The following GRHL1 variants were observed in gnomAD, a reference collection of about 807,000 sequenced individuals.
GRHL1 encodes grainyhead-like protein 1 homolog.
A neutral mutation model predicts 75.7 loss-of-function variants in GRHL1; 38 were observed. The ratio of observed to expected loss-of-function variants is 0.50; its 90% confidence interval spans 0.39 to 0.66. GRHL1 has a LOEUF of 0.66. Ranked by LOEUF, GRHL1 falls within the 30% of genes least tolerant of loss-of-function variation. The pLI, the probability that GRHL1 is intolerant of heterozygous loss-of-function variation, is 0.00. For missense variants in GRHL1, 589 were observed against 767.5 expected (o/e 0.77, Z 2.75); for synonymous variants, 266 against 279.4 (o/e 0.95, Z 0.48).
chr2:9,996,893 A>C (rs548061803), intron 14 of GRHL1, among the ~76,000 whole-genome samples: 1 of 152,210 alleles, frequency 6.6e-6, no homozygotes, highest in East Asian at 1.9e-4. Flanking sequence ...GGATCTCAGC[A>C]CGAGGCTGGA....
intron 8 of GRHL1, among the ~76,000 whole-genome samples, chr2:9,977,273 A>G (rs1375131730): frequency 4.0e-5 from 6 of 151,632 alleles, no homozygotes; most frequent in Admixed American, 3.9e-4. Context: ...GTCTCTCATT[A>G]CTAGTATTTA....
intron 8 of GRHL1, among the ~76,000 whole-genome samples, chr2:9,974,560 C>T (rs1401335258): frequency 6.6e-6 from 1 of 152,182 alleles, no homozygotes; most frequent in Admixed American, 6.5e-5. Context: ...CTCAGCTCTA[C>T]GGGCTGGTGC....
intron 8 of GRHL1, among the ~76,000 whole-genome samples, chr2:9,970,308 C>T (rs996368057): frequency 3.3e-5 from 5 of 152,226 alleles, no homozygotes; most frequent in African/African-American, 7.2e-5. Context: ...CTGCCAGACA[C>T]GTGCCAAGCT....
chr2:9,958,491 T>A (rs374787641), intron 2 of GRHL1, among the ~76,000 whole-genome samples: 1 of 98,180 alleles, frequency 1.0e-5, no homozygotes, highest in Non-Finnish European at 2.0e-5. Context: ...AGCGGAGGTA[T>A]TTTTTTTTTA....
Position 9,961,287 on chromosome 2 carries a change from G to A in GRHL1, c.520G>A (p.Val174Met). 1 of 1,614,218 alleles carries A rather than the reference G, an allele frequency of 6.2e-7. No homozygotes were observed. Among genetic ancestry groups the A allele is most frequent in the Non-Finnish European group, 8.5e-7 (1 of 1,180,052 alleles). ...CTTCGCTGTGGGAATCCCCCCAGCA[G>A]TGTATCATCCTGAGCCCACTGAGCG... ...HGFAVGIPPA[V>M]YHPEPTERVV... The change falls in exon 4 of 16, where the codon GTG becomes ATG. Residue 174 changes from valine (V) to methionine (M), a missense_variant. Transcript: ENST00000324907.
Position 9,965,708 on chromosome 2 carries a change from A to T in GRHL1, c.1110+327A>T, listed in dbSNP as rs563416920. On this transcript the variant is annotated intron_variant, in intron 8 of 15. Coordinates refer to ENST00000324907, the MANE Select transcript of GRHL1 (RefSeq NM_198182.3). ...GAGGTGATATCTGTCTCCTCCCTCTATTGAAGGAGGTGTAAGGAGTAATGA... is the reference window on the plus strand; with the variant it reads ...GAGGTGATATCTGTCTCCTCCCTCTTTTGAAGGAGGTGTAAGGAGTAATGA... 20 of 279,208 alleles carry T rather than the reference A, an allele frequency of 7.2e-5. 1 individual carries two copies. In the South Asian group the frequency reaches 1.7e-3, roughly 24 times the overall value. 17.3% of individuals were successfully genotyped at this position (279,208 alleles called of 1,614,324 possible).
intron 8 of GRHL1, among the ~76,000 whole-genome samples, chr2:9,967,272 C>T (rs937441221): frequency 6.6e-6 from 1 of 152,220 alleles, no homozygotes; most frequent in African/African-American, 2.4e-5. Flanking sequence ...AGCTCTTCTT[C>T]GTTGGGTGTG....
Position 10,001,757 on chromosome 2 carries a change from AG to A in GRHL1, c.*1051del, listed in dbSNP as rs1669277094. 1.3e-5 allele frequency: 2 copies of A among 152,308 alleles called. No homozygotes were observed. The highest frequency in any genetic ancestry group is 4.8e-5 in the African/African-American group (2 of 41,480). The allele number at this position is 152,308 out of a possible 1,614,324, so 9.4% of individuals were successfully genotyped here. A position where few individuals can be genotyped will look rare whatever the true frequency, so the allele number is the denominator to read the frequency against. Reference sequence around the variant, plus strand: ...ATGCTAGTATCAGTCAGATGCACTTAGAGTGAAGAAACACTGTAATTACAGC... The same window carrying A: ...ATGCTAGTATCAGTCAGATGCACTTAAGTGAAGAAACACTGTAATTACAGC... On this transcript the variant is annotated 3_prime_UTR_variant, in exon 16 of 16. Coordinates refer to ENST00000324907, the MANE Select transcript of GRHL1 (RefSeq NM_198182.3).
intron 9 of GRHL1, among the ~76,000 whole-genome samples, chr2:9,988,719 C>T (rs754456113): frequency 5.3e-5 from 8 of 152,086 alleles, no homozygotes; most frequent in Non-Finnish European, 8.8e-5. Flanking sequence ...GAGGACTTGC[C>T]GCGGGTTCCT....
Position 9,996,228 on chromosome 2 carries a change from G to A in GRHL1, c.1592-88G>A, listed in dbSNP as rs139670033. 4.0e-4 allele frequency: 363 copies of A among 914,066 alleles called. 1 individual carries two copies. In the African/African-American group the frequency reaches 5.2e-3, roughly 13 times the overall value. The allele number at this position is 914,066 out of a possible 1,614,324, so 56.6% of individuals were successfully genotyped here. On this transcript the variant is annotated intron_variant, in intron 13 of 15. Transcript: ENST00000324907. Reference sequence around the variant, plus strand: ...TGTGGTTTTTATTTTAGCTGGTACCGTGGTCTGTTTTCCTCTTTTGCTCAT... The same window carrying A: ...TGTGGTTTTTATTTTAGCTGGTACCATGGTCTGTTTTCCTCTTTTGCTCAT...
intron 13 of GRHL1, 56 bp downstream of exon 13, chr2:9,996,026 C>A: frequency 9.3e-7 from 1 of 1,079,694 alleles, no homozygotes; most frequent in Non-Finnish European, 1.4e-6. Flanking sequence ...AGTTCAGAAT[C>A]TATCAAAAGC....
intron 9 of GRHL1, among the ~76,000 whole-genome samples, chr2:9,988,500 A>G (rs1270726660): frequency 6.6e-6 from 1 of 151,958 alleles, no homozygotes; most frequent in Non-Finnish European, 1.5e-5. Flanking sequence ...GCTTCCTGGT[A>G]CCTGTGTACC....
chr2:9,958,949 C>T lies in GRHL1; in HGVS notation c.278+93C>T, dbSNP rs1256746646. 2.6e-6 allele frequency: 4 copies of T among 1,526,334 alleles called. No individual in the cohort carries two copies. The East Asian group carries it at 9.5e-5, about 36-fold the overall frequency. The allele number at this position is 1,526,334 out of a possible 1,614,324, so 94.5% of individuals were successfully genotyped here. A position where few individuals can be genotyped will look rare whatever the true frequency, so the allele number is the denominator to read the frequency against. On this transcript the variant is annotated intron_variant, in intron 3 of 15. Coordinates refer to ENST00000324907, the MANE Select transcript of GRHL1 (RefSeq NM_198182.3). ...GGGAGTTTGTTTAAATGAACAACCA[C>T]TAGTGAAAGAGATAGGTAAGTTGGA...
At chr2:9,996,492 C>A (rs1668866787) in intron 14 of GRHL1, 91 bp downstream of exon 14, 3 of 918,626 alleles carry the variant, frequency 3.3e-6, no homozygotes, top group Admixed American at 1.8e-5. Context: ...TGATCCAAAT[C>A]CTTTGTCAGA....
chr2:9,962,989 A>C (rs1667338626), intron 5 of GRHL1, among the ~76,000 whole-genome samples: 1 of 152,154 alleles, frequency 6.6e-6, no homozygotes, highest in Admixed American at 6.5e-5. Context: ...ACCTCACAAA[A>C]TTGTATCTCA....
chr2:9,994,460 G>T (rs556010817), intron 12 of GRHL1, among the ~76,000 whole-genome samples: 33 of 152,210 alleles, frequency 2.2e-4, no homozygotes, highest in Middle Eastern at 3.4e-3. Flanking sequence ...TCCATGGGAA[G>T]TTCATTCCTC....
Position 9,987,782 on chromosome 2 carries a change from G to A in GRHL1, c.1269+1500G>A, listed in dbSNP as rs531835632. ...TTGAGGGGAAAGTTTGTGCTGGCTC[G>A]AAACTGGGGAGCAACCGTGGATGAG... is the stretch of plus-strand genomic sequence containing the variant. On this transcript the variant is annotated intron_variant, in intron 9 of 15. Transcript: ENST00000324907. The surrounding 1 kb of genome is among the most constrained non-coding windows in gnomAD (Gnocchi z 4.2). Among the ~76,000 whole-genome samples the A allele has an allele frequency of 2.0e-5, 3 of 152,292 alleles. No individual in the cohort carries two copies. Among genetic ancestry groups the A allele is most frequent in the Admixed American group, 6.5e-5 (1 of 15,296 alleles).
intron 12 of GRHL1, 25 bp downstream of exon 12, chr2:9,993,269 T>C (rs769293060): frequency 6.3e-7 from 1 of 1,588,476 alleles, no homozygotes; most frequent in Non-Finnish European, 8.6e-7. Flanking sequence ...TTGTTTTGTT[T>C]TGTTTTAATA....
chr2:9,986,152 C>G lies in GRHL1; in HGVS notation c.1139C>G (p.Thr380Arg). Residue 380 changes from threonine to arginine, a missense_variant, in exon 9 of 16, where the codon ACA (threonine) becomes AGA (arginine). Thr to Arg is a moderately conservative substitution (Grantham distance 71). Transcript: ENST00000324907. Reference protein sequence around the residue: ...KVFISVNCLSTDFSSQKGVKG... With the variant: ...KVFISVNCLSRDFSSQKGVKG... ...TTCATCTCTGTGAACTGCTTAAGCA[C>G]AGATTTCTCTTCCCAGAAGGGAGTG... 1 of 1,612,860 alleles carries G rather than the reference C, an allele frequency of 6.2e-7. No homozygotes were observed. Among genetic ancestry groups the G allele is most frequent in the Non-Finnish European group, 8.5e-7 (1 of 1,179,416 alleles).
Sources: allele counts gnomAD v4.1 joint callset (sites outside exome capture counted in the v4.1 genomes callset), GRCh38; gene constraint gnomAD v4.1.1; non-coding constraint Gnocchi (gnomAD v3.1); transcripts MANE v1.5; gene names NCBI Gene and HGNC (gene_info 2026-07-23, HGNC 2026-07-21).